Variants in PLOD3 observed in about 807,000 individuals in gnomAD.
PLOD3 encodes the protein procollagen-lysine,2-oxoglutarate 5-dioxygenase 3.
Under a neutral mutation model 96.9 loss-of-function variants are expected in PLOD3, and 73 were observed. That is an observed-to-expected ratio of 0.75 (90% confidence interval 0.62 to 0.92). PLOD3 has a LOEUF of 0.92. Ranked by LOEUF, PLOD3 falls within the 40% of genes least tolerant of loss-of-function variation. The pLI, the probability that PLOD3 is intolerant of heterozygous loss-of-function variation, is 0.00. For missense variants in PLOD3, 1,004 were observed against 1,004.3 expected (o/e 1.00, Z 0.00); for synonymous variants, 454 against 413.7 (o/e 1.10, Z -1.18).
At chr7:101,211,375 C>G (rs1482189793) in intron 12 of PLOD3, 1 of 569,834 alleles carries the variant, frequency 1.8e-6, no homozygotes. Context: ...GAGATAGGCT[C>G]TTGCTACGTT....
chr7:101,207,341 C>T (rs1384434696), intron 17 of PLOD3, among the ~76,000 whole-genome samples: 1 of 151,634 alleles, frequency 6.6e-6, no homozygotes, highest in African/African-American at 2.4e-5. Context: ...GGCGGCGGGA[C>T]CCCTGCGTAG....
At chr7:101,214,431 T>C (rs535742761) in intron 6 of PLOD3, among the ~76,000 whole-genome samples, 1 of 152,076 alleles carries the variant, frequency 6.6e-6, no homozygotes, top group South Asian at 2.1e-4. Flanking sequence ...GTGCCTGGCC[T>C]CTCTCTCTCC....
chr7:101,210,029 G>T, intron 15 of PLOD3, 64 bp downstream of exon 15: 1 of 868,864 alleles, frequency 1.2e-6, no homozygotes. Context: ...GAATCCAGGC[G>T]GGGGCCCCCA....
At chr7:101,206,499 T>TA in intron 18 of PLOD3, 63 bp from the exon 19 acceptor site, 1 of 1,488,760 alleles carries the variant, frequency 6.7e-7, no homozygotes, top group Non-Finnish European at 9.1e-7. Flanking sequence ...AGCAGGCAGA[T>TA]ACACGGGGCA....
intron 14 of PLOD3, 51 bp from the exon 15 acceptor site, chr7:101,210,212 C>T: frequency 6.7e-7 from 1 of 1,499,238 alleles, no homozygotes; most frequent in Non-Finnish European, 9.2e-7. Context: ...CGCTCCCAGC[C>T]CCCAGGGGAC....
In PLOD3 at chr7:101,210,075, G is replaced by A. The variant is rs1239242424; in HGVS notation, c.1683+18C>T. On this transcript the variant is annotated intron_variant, in intron 15 of 18. Coordinates refer to ENST00000223127, the MANE Select transcript of PLOD3 (RefSeq NM_001084.5). Reference sequence around the variant, plus strand: ...GCCATGAGGGCAGGGGGTGGGTGGGGAGGCTGCGTGGGCTCACCTGCTCCA... The same window carrying A: ...GCCATGAGGGCAGGGGGTGGGTGGGAAGGCTGCGTGGGCTCACCTGCTCCA... The A allele has an allele frequency of 6.5e-7, 1 of 1,539,458 alleles. No individual in the cohort carries two copies.
Position 101,206,392 on chromosome 7 carries a change from G to T in PLOD3, c.2106C>A (p.Ser702=). 6.2e-7 allele frequency: 1 copy of T among 1,613,584 alleles called. No individual in the cohort carries two copies. Among genetic ancestry groups the T allele is most frequent in the South Asian group, 1.1e-5 (1 of 91,076 alleles). Residue 702 remains serine, a synonymous_variant, in exon 19 of 19, where the codon TCC becomes TCA. Coordinates refer to ENST00000223127, the MANE Select transcript of PLOD3 (RefSeq NM_001084.5). ...RFLRYDCVIS[S]PRKGWALLHP... is the part of the protein sequence containing the mutation. ...GCAGGAGTGCCCAGCCCTTCCTCGG[G>T]GAGGAGATCACACAGTCGTAGCGCA... is the stretch of plus-strand genomic sequence containing the variant.
At position 101,216,186 on chromosome 7, in the gene PLOD3, C is replaced by T. The variant is rs1434266298; in HGVS notation, c.479G>A (p.Gly160Glu). The part of the protein sequence containing the change: ...LAEQYPEVGT[G>E]KRFLNSGGFI... ...ACCACCAGAATTGAGGAAGCGCTTC[C>T]CCGTGCCCACCTCAGGGTACTGCTC... The change falls in exon 4 of 19, where the codon GGG (glycine) becomes GAG (glutamate). Residue 160 changes from glycine (G) to glutamate (E), a missense_variant. Around this residue, in one of 5 missense-constraint regions of PLOD3, gnomAD observed 690 missense variants for 650.2 expected, o/e 1.06. Coordinates refer to ENST00000223127, the MANE Select transcript of PLOD3 (RefSeq NM_001084.5). 4 of 1,614,070 alleles carry T rather than the reference C, an allele frequency of 2.5e-6. No individual in the cohort carries two copies. The South Asian group carries it at 4.4e-5, about 18-fold the overall frequency.
At chr7:101,208,987 A>G in intron 15 of PLOD3, 30 bp from the exon 16 acceptor site, 1 of 1,477,048 alleles carries the variant, frequency 6.8e-7, no homozygotes, top group Non-Finnish European at 9.5e-7. Context: ...GAACAGGGCT[A>G]GCTGACGCCG....
chr7:101,212,185 A>T lies in PLOD3; in HGVS notation c.1127+68T>A. On this transcript the variant is annotated intron_variant, in intron 10 of 18. Transcript: ENST00000223127. The stretch of plus-strand genomic sequence containing the variant: ...GTGACAGGTGAGGCAAGGGCCAGGC[A>T]GCAGGTGGCAGCACCCCTGACCCTA... 1.9e-6 allele frequency: 3 copies of T among 1,585,720 alleles called. No individual in the cohort carries two copies. The Admixed American group carries it at 5.0e-5, about 26-fold the overall frequency.
At chr7:101,214,486 G>A (rs539887745) in intron 6 of PLOD3, among the ~76,000 whole-genome samples, 3 of 152,240 alleles carry the variant, frequency 2.0e-5, no homozygotes, top group South Asian at 2.1e-4. Flanking sequence ...CCCTCCACAA[G>A]CTGTTTTCCT....
At position 101,213,405 on chromosome 7, in the gene PLOD3, G is replaced by C. The variant is rs370934885; in HGVS notation, c.680-201C>G. 6.2e-4 allele frequency: 393 copies of C among 631,888 alleles called. 6 individuals carry two copies. The highest frequency in any genetic ancestry group is 5.6e-3 in the South Asian group (316 of 55,972). 39.1% of individuals were successfully genotyped at this position (631,888 alleles called of 1,614,324 possible). The stretch of plus-strand genomic sequence containing the variant: ...GAGAGCTCCACTGCCTACTACCTGC[G>C]TGATCACACCGCAGCTGGGCGAGGA... On this transcript the variant is annotated intron_variant, in intron 6 of 18. Transcript: ENST00000223127.
intron 6 of PLOD3, 196 bp from the exon 7 acceptor site, chr7:101,213,400 C>T: frequency 3.1e-6 from 2 of 636,484 alleles, no homozygotes; most frequent in East Asian, 2.8e-5. Flanking sequence ...CTGCCTACTA[C>T]CTGCGTGATC....
intron 6 of PLOD3, 191 bp from the exon 7 acceptor site, chr7:101,213,395 T>A: frequency 1.5e-6 from 1 of 648,022 alleles, no homozygotes; most frequent in South Asian, 1.7e-5. Context: ...CTCCACTGCC[T>A]ACTACCTGCG....
intron 12 of PLOD3, chr7:101,211,079 C>T (rs1286826072): frequency 8.1e-6 from 2 of 248,408 alleles, no homozygotes; most frequent in East Asian, 2.1e-4. Context: ...TGGGGTTTCA[C>T]CATGTTGGCC....
At chr7:101,212,763 C>A in intron 8 of PLOD3, 79 bp downstream of exon 8, 1 of 1,568,280 alleles carries the variant, frequency 6.4e-7, no homozygotes, top group Non-Finnish European at 8.7e-7. Context: ...ATGCCCCCAC[C>A]GCCCCCCAGT....
At chr7:101,215,263 G>A in intron 5 of PLOD3, 111 bp from the exon 6 acceptor site, 1 of 840,278 alleles carries the variant, frequency 1.2e-6, no homozygotes, top group Non-Finnish European at 2.1e-6. Context: ...GCTTAGGCTG[G>A]AGTGCAATGG....
In PLOD3 at chr7:101,216,223, A is replaced by G. The variant is rs756850977; in HGVS notation, c.442T>C (p.Trp148Arg). Reference protein sequence around the residue: ...FSAESFCWPEWGLAEQYPEVG... With the variant: ...FSAESFCWPERGLAEQYPEVG... ...TCAGGGTACTGCTCCGCCAGCCCCC[A>G]CTCGGGCCAGCAGAAGCTCTCTGCA... is the stretch of plus-strand genomic sequence containing the variant. The change falls in exon 4 of 19, where the codon TGG becomes CGG. Residue 148 changes from tryptophan to arginine, a missense_variant. By Grantham distance (101) the Trp-to-Arg change is moderately radical. Around this residue, in one of 5 missense-constraint regions of PLOD3, gnomAD observed 690 missense variants for 650.2 expected, o/e 1.06. Transcript: ENST00000223127. The G allele has an allele frequency of 6.2e-7, 1 of 1,613,712 alleles. No individual in the cohort carries two copies. Among genetic ancestry groups the G allele is most frequent in the South Asian group, 1.1e-5 (1 of 91,082 alleles).
At chr7:101,212,453 T>C in intron 9 of PLOD3, 77 bp downstream of exon 9, 2 of 1,329,698 alleles carry the variant, frequency 1.5e-6, no homozygotes, top group East Asian at 2.6e-5. Flanking sequence ...AGGAAGGAGA[T>C]GGGGGTGGGG....
Sources: allele counts gnomAD v4.1 joint callset (sites outside exome capture counted in the v4.1 genomes callset), GRCh38; gene constraint gnomAD v4.1.1; regional missense constraint gnomAD v4.1.1; transcripts MANE v1.5; gene names NCBI Gene and HGNC (gene_info 2026-07-23, HGNC 2026-07-21).